The following TET1 variants were observed in gnomAD, a reference collection of about 807,000 sequenced individuals.
TET1 encodes tet methylcytosine dioxygenase 1.
In TET1, 13 loss-of-function variants were observed where a neutral mutation model predicts 148.7. The observed-to-expected ratio is 0.09, with a 90% CI of 0.06 to 0.14. The LOEUF (loss-of-function observed/expected upper bound fraction) is 0.14, where lower values mean the gene tolerates loss of function less well. Ranked by LOEUF, TET1 falls within the 10% of genes least tolerant of loss-of-function variation. The probability of loss-of-function intolerance (pLI) is 1.00; values close to 1 mark genes in which losing one functional copy is unlikely to be tolerated. For synonymous variants in TET1, 907 were observed against 937.2 expected, an observed-to-expected ratio of 0.97 and a Z score of 0.59; for missense variants, 2,182 against 2,553.8, an observed-to-expected ratio of 0.85 and a Z score of 3.14.
intron 2 of TET1, among the ~76,000 whole-genome samples, chr10:68,593,621 A>G (rs1396338931): frequency 6.6e-6 from 1 of 151,240 alleles, no homozygotes. Flanking sequence ...TATTATTATT[A>G]TTATTTTCAG....
Position 68,691,166 on chromosome 10 carries a change from C to T in TET1, c.5763C>T (p.Leu1921=), listed in dbSNP as rs62638664. ...PTLSAPVMEP[L]INSEPSTGVT... is the part of the protein sequence containing the mutation. Reference sequence around the variant, plus strand: ...TGTCTGCTCCTGTGATGGAGCCCCTCATTAATTCTGAGCCTTCCACTGGTG... The same window carrying T: ...TGTCTGCTCCTGTGATGGAGCCCCTTATTAATTCTGAGCCTTCCACTGGTG... The change falls in exon 12 of 12, where the codon CTC becomes CTT. Residue 1921 remains leucine (L), a synonymous_variant. Transcript: ENST00000373644. The surrounding 1 kb of genome is among the most constrained non-coding windows in gnomAD (Gnocchi z 4.4). 1,268 of 1,614,178 alleles carry T rather than the reference C, an allele frequency of 7.9e-4. No individual in the cohort carries two copies. The highest frequency in any genetic ancestry group is 3.4e-3 in the African/African-American group (253 of 75,048).
At chr10:68,585,679 T>C (rs940447375) in intron 2 of TET1, among the ~76,000 whole-genome samples, 2 of 151,966 alleles carry the variant, frequency 1.3e-5, no homozygotes, top group Non-Finnish European at 2.9e-5. Flanking sequence ...GTCCACTCCC[T>C]GAAATAAAAA....
Position 68,691,059 on chromosome 10 carries a change from G to T in TET1, c.5656G>T (p.Gly1886Ter). 6.2e-7 allele frequency: 1 copy of T among 1,614,190 alleles called. No individual in the cohort carries two copies. Among genetic ancestry groups the T allele is most frequent in the Non-Finnish European group, 8.5e-7 (1 of 1,180,034 alleles). The part of the protein sequence containing the change: ...SSTPHCTMPS[G>*]RLSGANAAAA... ...CACTCCCCACTGTACGATGCCTTCG[G>T]GAAGACTCAGTGGTGCCAATGCAGC... The change falls in exon 12 of 12, where the codon GGA (glycine) becomes TGA (stop). Residue 1886 changes from glycine to a stop codon, truncating the protein, a stop_gained. Transcript: ENST00000373644. LOFTEE classifies it low-confidence loss of function (END_TRUNC). The surrounding 1 kb of genome is among the most constrained non-coding windows in gnomAD (Gnocchi z 4.4).
In TET1 at chr10:68,573,923, G is replaced by T; in HGVS notation, c.1585G>T (p.Gly529Cys). 6.2e-7 allele frequency: 1 copy of T among 1,614,112 alleles called. No individual in the cohort carries two copies. The highest frequency in any genetic ancestry group is 8.5e-7 in the Non-Finnish European group (1 of 1,180,010). ...PERGLFHASL[G>C]IAQLSQAGPS... ...GAGAGGACTCTTCCATGCTTCACTG[G>T]GTATAGCCCAACTCTCTCAGGCTGG... Residue 529 changes from glycine to cysteine, a missense_variant, in exon 2 of 12, where the codon GGT becomes TGT. Gly to Cys is a radical substitution (Grantham distance 159). This residue lies in a region of TET1 where 665 missense variants were observed against 672.4 expected (regional missense o/e 0.99). Transcript: ENST00000373644.
At chr10:68,593,425 G>C (rs1360073661) in intron 2 of TET1, among the ~76,000 whole-genome samples, 1 of 135,492 alleles carries the variant, frequency 7.4e-6, no homozygotes, top group Non-Finnish European at 1.7e-5. Flanking sequence ...AAAAAATAAA[G>C]TTTTTTTAAA....
At position 68,646,498 on chromosome 10, in the gene TET1, G is replaced by T. The variant is rs935570059; in HGVS notation, c.3769G>T (p.Val1257Phe). 5 of 1,614,062 alleles carry T rather than the reference G, an allele frequency of 3.1e-6. No homozygotes were observed. The highest frequency in any genetic ancestry group is 2.5e-6 in the Non-Finnish European group (3 of 1,180,032). Reference protein sequence around the residue: ...YPESAEEKVKVEPLDSLSLFH... With the variant: ...YPESAEEKVKFEPLDSLSLFH... ...TGAATCAGCAGAGGAAAAGGTGAAG[G>T]TTGAACCATTGGATTCACTCAGCTT... Residue 1257 changes from valine (V) to phenylalanine (F), a missense_variant, in exon 4 of 12, where the codon GTT becomes TTT. Val to Phe is a conservative substitution (Grantham distance 50, BLOSUM62 -1). Transcript: ENST00000373644.
chr10:68,623,531 G>A lies in TET1; in HGVS notation c.1969-21167G>A, dbSNP rs796519941. ...ACCCCTGGCATCAGTAGATGGACTC[G>A]ATGCCCTTGAAGGTCTCTTCTACCT... On this transcript the variant is annotated intron_variant, in intron 3 of 11. Coordinates refer to ENST00000373644, the MANE Select transcript of TET1 (RefSeq NM_030625.3). 1.5e-4 allele frequency among the ~76,000 whole-genome samples: 23 copies of A among 152,298 alleles called. 1 individual carries two copies. The highest frequency in any genetic ancestry group is 5.1e-4 in the African/African-American group (21 of 41,568).
chr10:68,682,733 G>A (rs1457455212), intron 9 of TET1, 103 bp from the exon 10 acceptor site: 48 of 1,314,526 alleles, frequency 3.7e-5, no homozygotes, highest in Non-Finnish European at 4.7e-5. Context: ...ATTACAAAGT[G>A]TAATTAATTA....
intron 2 of TET1, among the ~76,000 whole-genome samples, chr10:68,592,231 G>A (rs993854114): frequency 6.6e-6 from 1 of 151,984 alleles, no homozygotes; most frequent in Non-Finnish European, 1.5e-5. Context: ...CATGAGAATT[G>A]CTTGAACCCA....
intron 3 of TET1, among the ~76,000 whole-genome samples, chr10:68,640,762 A>G (rs2054740300): frequency 6.6e-6 from 1 of 151,186 alleles, no homozygotes; most frequent in South Asian, 2.1e-4. Flanking sequence ...CATGTTAGCC[A>G]GGATGGTCTC....
rs1424143762 is a variant in TET1, at chr10:68,672,992, G to T, written c.4771G>T (p.Gly1591Cys). 1 of 1,612,282 alleles carries T rather than the reference G, an allele frequency of 6.2e-7. No homozygotes were observed. Among genetic ancestry groups the T allele is most frequent in the Non-Finnish European group, 8.5e-7 (1 of 1,178,754 alleles). ...WSMYFNGCKF[G>C]RSPSPRRFRI... is the part of the protein sequence containing the mutation. Reference sequence around the variant, plus strand: ...TATGTACTTTAATGGCTGTAAGTTTGGTAGAAGCCCAAGCCCCAGAAGATT... The same window carrying T: ...TATGTACTTTAATGGCTGTAAGTTTTGTAGAAGCCCAAGCCCCAGAAGATT... Residue 1591 changes from glycine to cysteine, a missense_variant, in exon 8 of 12, where the codon GGT (glycine) becomes TGT (cysteine). This residue lies in a region of TET1 where 55 missense variants were observed against 149.8 expected (regional missense o/e 0.37). Coordinates refer to ENST00000373644, the MANE Select transcript of TET1 (RefSeq NM_030625.3).
chr10:68,647,025 T>G lies in TET1; in HGVS notation c.4276+20T>G. On this transcript the variant is annotated intron_variant, in intron 4 of 11. Coordinates refer to ENST00000373644, the MANE Select transcript of TET1 (RefSeq NM_030625.3). ...GTCTTGGTGAGTACTTGTGTGCATG[T>G]GTTCTTATTTCACCTGCACAAATTA... 1 of 1,578,632 alleles carries G rather than the reference T, an allele frequency of 6.3e-7. No individual in the cohort carries two copies. The highest frequency in any genetic ancestry group is 8.6e-7 in the Non-Finnish European group (1 of 1,162,852).
intron 6 of TET1, among the ~76,000 whole-genome samples, chr10:68,664,294 G>T (rs560310277): frequency 6.6e-6 from 1 of 151,716 alleles, no homozygotes; most frequent in Non-Finnish European, 1.5e-5. Flanking sequence ...ATGTTGTGTC[G>T]TATATATTAT....
chr10:68,589,020 C>T (rs1385666060), intron 2 of TET1, among the ~76,000 whole-genome samples: 5 of 151,846 alleles, frequency 3.3e-5, no homozygotes, highest in East Asian at 1.9e-4. Flanking sequence ...CTAGTAGGGA[C>T]GCTGAGGCGA....
At chr10:68,657,473 G>A (rs772129729) in intron 6 of TET1, among the ~76,000 whole-genome samples, 2 of 152,078 alleles carry the variant, frequency 1.3e-5, no homozygotes, top group African/African-American at 2.4e-5. Flanking sequence ...ACCACGCCCG[G>A]CCAAAAATTT....
At chr10:68,690,254 C>A (rs539527511) in intron 11 of TET1, among the ~76,000 whole-genome samples, 1 of 152,230 alleles carries the variant, frequency 6.6e-6, no homozygotes, top group East Asian at 1.9e-4. Flanking sequence ...AATGAACAGC[C>A]ATCCTTTTGG....
intron 3 of TET1, among the ~76,000 whole-genome samples, chr10:68,637,856 G>A (rs2054677636): frequency 6.7e-6 from 1 of 150,142 alleles, no homozygotes; most frequent in African/African-American, 2.5e-5. Context: ...GTGACAGAGT[G>A]AGACTCCGTC....
rs2055455662 is a variant in TET1, at chr10:68,682,889, T to C, written c.4968T>C (p.Arg1656=). 1 of 1,613,894 alleles carries C rather than the reference T, an allele frequency of 6.2e-7. No homozygotes were observed. Among genetic ancestry groups the C allele is most frequent in the Non-Finnish European group, 8.5e-7 (1 of 1,179,966 alleles). Residue 1656 remains arginine, a synonymous_variant, in exon 10 of 12, where the codon CGT becomes CGC. Coordinates refer to ENST00000373644, the MANE Select transcript of TET1 (RefSeq NM_030625.3). ...RECRLGSKEG[R]PFSGVTACLD... is the part of the protein sequence containing the mutation. ...GTCGGCTTGGCAGCAAGGAAGGTCGTCCCTTCTCTGGGGTCACTGCTTGCC... is the reference window on the plus strand; with the variant it reads ...GTCGGCTTGGCAGCAAGGAAGGTCGCCCCTTCTCTGGGGTCACTGCTTGCC...
chr10:68,690,691 A>G (rs979998364), intron 11 of TET1, 117 bp from the exon 12 acceptor site: 101 of 981,880 alleles, frequency 1.0e-4, no homozygotes, highest in South Asian at 4.9e-4. Context: ...ACCAACCAAC[A>G]CAACATCAGC....
Sources: allele counts gnomAD v4.1 joint callset (sites outside exome capture counted in the v4.1 genomes callset), GRCh38; gene constraint gnomAD v4.1.1; regional missense constraint gnomAD v4.1.1; non-coding constraint Gnocchi (gnomAD v3.1); transcripts MANE v1.5; gene names NCBI Gene and HGNC (gene_info 2026-07-23, HGNC 2026-07-21).